CCBE1: variants seen among roughly 807,000 people sequenced by gnomAD.
CCBE1 encodes the protein collagen and calcium-binding EGF domain-containing protein 1.
A neutral mutation model predicts 50.0 loss-of-function variants in CCBE1; 37 were observed. That is an observed-to-expected ratio of 0.74 (90% CI 0.57 to 0.97). The LOEUF (loss-of-function observed/expected upper bound fraction) is 0.97, where lower values mean the gene tolerates loss of function less well. Among genes scored for constraint, CCBE1 ranks in the 50% least tolerant of loss-of-function variants. CCBE1 has a pLI of 0.00. For synonymous variants in CCBE1, 234 were observed against 203.7 expected (o/e 1.15, Z -1.27); for missense variants, 538 against 523.8 (o/e 1.03, Z -0.26).
chr18:59,499,742 G>C (rs1913527523), intron 2 of CCBE1, among the ~76,000 whole-genome samples: 1 of 152,164 alleles, frequency 6.6e-6, no homozygotes, highest in African/African-American at 2.4e-5. Context: ...CATATCGCTA[G>C]GTAAGCACTG....
chr18:59,585,142 T>C (rs538369981), intron 2 of CCBE1, among the ~76,000 whole-genome samples: 32 of 152,020 alleles, frequency 2.1e-4, no homozygotes, highest in African/African-American at 7.5e-4. Flanking sequence ...CCAAAAAGCC[T>C]TCAACATGTT....
At chr18:59,480,158 C>T in intron 3 of CCBE1, 28 bp downstream of exon 3, 1 of 1,396,344 alleles carries the variant, frequency 7.2e-7, no homozygotes, top group South Asian at 1.2e-5. Flanking sequence ...TGAATAAAGT[C>T]AGACAATATC....
chr18:59,676,321 C>T (rs544137784), intron 2 of CCBE1, among the ~76,000 whole-genome samples: 19 of 152,286 alleles, frequency 1.2e-4, no homozygotes, highest in Admixed American at 9.2e-4. Flanking sequence ...ACTTTCTCAC[C>T]GGATGCTAGA....
Position 59,605,207 on chromosome 18 carries a change from A to T in CCBE1, c.212+91422T>A, listed in dbSNP as rs143258957. ...TGGAGAAGGAAGGAGTCTGGCAGTG[A>T]TATGAACTTTGATCTTTTTGATAAA... On this transcript the variant is annotated intron_variant, in intron 2 of 10. Transcript: ENST00000439986. Among the ~76,000 whole-genome samples the T allele has an allele frequency of 2.4e-4, 37 of 152,314 alleles. No individual in the cohort carries two copies. The East Asian group carries it at 7.1e-3, about 29-fold the overall frequency.
At chr18:59,563,454 A>T (rs1415032954) in intron 2 of CCBE1, among the ~76,000 whole-genome samples, 1 of 152,090 alleles carries the variant, frequency 6.6e-6, no homozygotes, top group Non-Finnish European at 1.5e-5. Flanking sequence ...ATTCAGCCAT[A>T]TTTTTTTCTG....
chr18:59,448,188 C>G, intron 6 of CCBE1, 85 bp from the exon 7 acceptor site: 1 of 1,579,430 alleles, frequency 6.3e-7, no homozygotes, highest in Non-Finnish European at 8.6e-7. Context: ...AGCTGCAAAG[C>G]CTTTTCATGA....
At chr18:59,611,731 G>GT (rs2053571037) in intron 2 of CCBE1, among the ~76,000 whole-genome samples, 1 of 151,936 alleles carries the variant, frequency 6.6e-6, no homozygotes, top group African/African-American at 2.4e-5. Flanking sequence ...GGGCAACAGA[G>GT]TGCAACTCTG....
intron 2 of CCBE1, among the ~76,000 whole-genome samples, chr18:59,597,064 T>A (rs1366920): frequency 1.3e-5 from 2 of 152,030 alleles, no homozygotes; most frequent in African/African-American, 4.8e-5. Flanking sequence ...AATCTTGAGC[T>A]GGCCAGGGCA....
At chr18:59,647,962 A>G (rs998693072) in intron 2 of CCBE1, among the ~76,000 whole-genome samples, 1 of 152,212 alleles carries the variant, frequency 6.6e-6, no homozygotes, top group Non-Finnish European at 1.5e-5. Context: ...TTTTGCATAT[A>G]CTGTCTTCTC....
chr18:59,658,597 A>T (rs2054237550), intron 2 of CCBE1, among the ~76,000 whole-genome samples: 1 of 145,922 alleles, frequency 6.9e-6, no homozygotes, highest in Non-Finnish European at 1.5e-5. Context: ...GTTATCAGAT[A>T]TTGGCAGGGC....
intron 5 of CCBE1, among the ~76,000 whole-genome samples, chr18:59,460,704 G>A (rs1051407375): frequency 5.9e-5 from 9 of 152,206 alleles, no homozygotes; most frequent in African/African-American, 2.2e-4. Context: ...GGTCAAGGCA[G>A]GCAGATCGCC....
intron 2 of CCBE1, among the ~76,000 whole-genome samples, chr18:59,516,445 A>G (rs1222069809): frequency 6.6e-6 from 1 of 152,156 alleles, no homozygotes; most frequent in Admixed American, 6.5e-5. Context: ...GGGCCAGCAA[A>G]TATGTCAAGT....
At chr18:59,541,586 G>A (rs957280971) in intron 2 of CCBE1, among the ~76,000 whole-genome samples, 2 of 152,140 alleles carry the variant, frequency 1.3e-5, no homozygotes, top group African/African-American at 4.8e-5. Flanking sequence ...CTGTTATTCA[G>A]ATCTTCCGAG....
chr18:59,597,612 G>A (rs541279068), intron 2 of CCBE1, among the ~76,000 whole-genome samples: 6 of 152,196 alleles, frequency 3.9e-5, no homozygotes, highest in Middle Eastern at 3.4e-3. Flanking sequence ...AGAAAAAACG[G>A]GGAAAAGTAG....
At chr18:59,562,591 A>T (rs2052756873) in intron 2 of CCBE1, among the ~76,000 whole-genome samples, 1 of 152,172 alleles carries the variant, frequency 6.6e-6, no homozygotes, top group South Asian at 2.1e-4. Context: ...CTTTGAGGGG[A>T]TGTGCACACG....
At chr18:59,470,054 G>T (rs564714330) in intron 3 of CCBE1, among the ~76,000 whole-genome samples, 1 of 152,280 alleles carries the variant, frequency 6.6e-6, no homozygotes, top group East Asian at 1.9e-4. Context: ...AGTCAGGCAG[G>T]CTCAGAGAGG....
At chr18:59,696,828 C>A in intron 1 of CCBE1, 119 bp from the exon 2 acceptor site, 2 of 1,128,402 alleles carry the variant, frequency 1.8e-6, no homozygotes, top group African/African-American at 1.5e-5. Flanking sequence ...GCGCTCTGGG[C>A]AGGGGCTGGT....
At chr18:59,597,911 A>C (rs375854745) in intron 2 of CCBE1, among the ~76,000 whole-genome samples, 6 of 152,186 alleles carry the variant, frequency 3.9e-5, no homozygotes, top group Non-Finnish European at 8.8e-5. Flanking sequence ...CTTGAAGAAA[A>C]GGGTAAATAG....
Position 59,431,513 on chromosome 18 carries a change from T to A in CCBE1, c.*4395A>T. On this transcript the variant is annotated 3_prime_UTR_variant, in exon 11 of 11. Coordinates refer to ENST00000439986, the MANE Select transcript of CCBE1 (RefSeq NM_133459.4). ...CAGGCTGAGAAGTGGGGAGAGAGAG[T>A]GGGGAATGACACCCAAAATATGATG... 1 of 152,066 alleles carries A rather than the reference T, an allele frequency of 6.6e-6. No individual in the cohort carries two copies. The highest frequency in any genetic ancestry group is 1.9e-4 in the East Asian group (1 of 5,164). 9.4% of individuals were successfully genotyped at this position (152,066 alleles called of 1,614,324 possible).
Sources: allele counts gnomAD v4.1 joint callset (sites outside exome capture counted in the v4.1 genomes callset), GRCh38; gene constraint gnomAD v4.1.1; transcripts MANE v1.5; gene names NCBI Gene and HGNC (gene_info 2026-07-23, HGNC 2026-07-21).